The following CCDC142 variants were observed in gnomAD, a reference collection of about 807,000 sequenced individuals.
CCDC142 encodes the protein coiled-coil domain containing 142, also known as coiled-coil domain-containing protein 142.
Under a neutral mutation model 83.8 loss-of-function variants are expected in CCDC142, and 67 were observed. The observed-to-expected ratio is 0.80, with a 90% CI of 0.66 to 0.98. The LOEUF (loss-of-function observed/expected upper bound fraction) is 0.98. Among genes scored for constraint, CCDC142 ranks in the 50% least tolerant of loss-of-function variants. CCDC142 has a pLI of 0.00. For synonymous variants in CCDC142, 421 were observed against 421.2 expected (o/e 1.00, Z 0.01); for missense variants, 905 against 946.8 (o/e 0.96, Z 0.58).
chr2:74,482,736 A>C lies in CCDC142; in HGVS notation c.102T>G (p.Ser34Arg). ...CCTCCCAGCGAAGACCGCCCGTTCG[A>C]CTTCTCTCCCACTGCTCCTCCCCAG... ...GGTGEEQWER[S>R]RTGGLRWEVH... The change falls in exon 1 of 9, where the codon AGT (serine) becomes AGG (arginine). Residue 34 changes from serine (S) to arginine (R), a missense_variant. This residue lies in a region of CCDC142 where 591 missense variants were observed against 571.4 expected (regional missense o/e 1.03). Transcript: ENST00000393965. This position sits in a 1 kb window ranked among gnomAD's most constrained non-coding sequence, Gnocchi z 5.0. 6.2e-7 allele frequency: 1 copy of C among 1,603,650 alleles called. No individual in the cohort carries two copies.
chr2:74,476,427 C>A (rs1378771145), intron 5 of CCDC142, among the ~76,000 whole-genome samples: 4 of 152,146 alleles, frequency 2.6e-5, no homozygotes, highest in Admixed American at 2.6e-4. Flanking sequence ...CCTGCCTCTG[C>A]CTGCCAAAGT....
At chr2:74,478,350 C>T (rs1272200513) in intron 5 of CCDC142, among the ~76,000 whole-genome samples, 1 of 150,872 alleles carries the variant, frequency 6.6e-6, no homozygotes, top group Non-Finnish European at 1.5e-5. Context: ...GTGTGAGCCA[C>T]TGCACCTGGA....
rs1572933124 is a variant in CCDC142, at chr2:74,482,082, G to T, written c.756C>A (p.Asp252Glu). The change falls in exon 1 of 9, where the codon GAC (aspartate) becomes GAA (glutamate). Residue 252 changes from aspartate to glutamate, a missense_variant. Asp to Glu is a conservative substitution (Grantham distance 45, BLOSUM62 2). Transcript: ENST00000393965. The surrounding 1 kb of genome is among the most constrained non-coding windows in gnomAD (Gnocchi z 5.0). Reference protein sequence around the residue: ...ERGCQVASRLDEALQGSALRD... With the variant: ...ERGCQVASRLEEALQGSALRD... ...TCAACGCCGATCCTTGGAGCGCCTC[G>T]TCCAGCCGACTTGCCACCTGGCAAC... is the stretch of plus-strand genomic sequence containing the variant. 1 of 1,613,524 alleles carries T rather than the reference G, an allele frequency of 6.2e-7. No homozygotes were observed. The highest frequency in any genetic ancestry group is 1.3e-5 in the African/African-American group (1 of 75,062).
intron 5 of CCDC142, among the ~76,000 whole-genome samples, chr2:74,479,910 GA>G (rs1274433562): frequency 6.6e-6 from 1 of 152,218 alleles, no homozygotes; most frequent in Non-Finnish European, 1.5e-5. Flanking sequence ...ACTTTTAAGA[GA>G]GGAGAAATGT....
chr2:74,482,485 G>A lies in CCDC142; in HGVS notation c.353C>T (p.Ala118Val). Residue 118 changes from alanine (A) to valine (V), a missense_variant, in exon 1 of 9, where the codon GCT (alanine) becomes GTT (valine). Physicochemically the swap from Ala to Val is moderately conservative, Grantham distance 64. This residue lies in a region of CCDC142 where 591 missense variants were observed against 571.4 expected (regional missense o/e 1.03). Transcript: ENST00000393965. The surrounding 1 kb of genome is among the most constrained non-coding windows in gnomAD (Gnocchi z 5.0). ...ACTCAGGGTCTTCATGAGTCGCACA[G>A]CCGACTGTAGGTGGTAGGCGCAGTC... ...ARDCAYHLQSAVRLMKTLSPG... is the reference protein window; with the variant it reads ...ARDCAYHLQSVVRLMKTLSPG... The A allele has an allele frequency of 1.9e-6, 3 of 1,554,172 alleles. No homozygotes were observed. The highest frequency in any genetic ancestry group is 2.6e-6 in the Non-Finnish European group (3 of 1,147,844).
At position 74,475,104 on chromosome 2, in the gene CCDC142, G is replaced by A. The variant is rs762591916; in HGVS notation, c.1808C>T (p.Ala603Val). The change falls in exon 8 of 9, where the codon GCG becomes GTG. Residue 603 changes from alanine (A) to valine (V), a missense_variant. Physicochemically the swap from Ala to Val is moderately conservative, Grantham distance 64. Coordinates refer to ENST00000393965, the MANE Select transcript of CCDC142 (RefSeq NM_001365575.2). ...THGIRFSLQGALQLKQDFGVV... is the reference protein window; with the variant it reads ...THGIRFSLQGVLQLKQDFGVV... ...TCCAAAGTCTTGTTTGAGCTGCAGC[G>A]CTCCCTGCAGGCTGAAGGCAGAGGT... is the stretch of plus-strand genomic sequence containing the variant. 1.2e-5 allele frequency: 20 copies of A among 1,610,222 alleles called. No homozygotes were observed. In the Middle Eastern group the frequency reaches 5.0e-4, roughly 40 times the overall value.
In CCDC142 at chr2:74,474,656, C is replaced by G. The variant is rs1159218436; in HGVS notation, c.2143G>C (p.Glu715Gln). ...TGCTGATTTCCCACCAGGTAGCCCT[C>G]CGGGCTAGGTCCCCTTCCTCCTAGT... The part of the protein sequence containing the change: ...STLGGRGPSP[E>Q]GYLVGNQQAW... Residue 715 changes from glutamate (E) to glutamine (Q), a missense_variant, in exon 9 of 9, where the codon GAG becomes CAG. Physicochemically the swap from Glu to Gln is conservative, Grantham distance 29. Around this residue, in one of 3 missense-constraint regions of CCDC142, gnomAD observed 265 missense variants for 288.9 expected, o/e 0.92. Coordinates refer to ENST00000393965, the MANE Select transcript of CCDC142 (RefSeq NM_001365575.2). 6.2e-7 allele frequency: 1 copy of G among 1,614,112 alleles called. No homozygotes were observed. Among genetic ancestry groups the G allele is most frequent in the African/African-American group, 1.3e-5 (1 of 74,940 alleles).
chr2:74,480,918 G>A (rs760486978), intron 4 of CCDC142, 36 bp from the exon 5 acceptor site: 11 of 1,609,892 alleles, frequency 6.8e-6, no homozygotes, highest in South Asian at 3.3e-5. Flanking sequence ...GCTCAGCCTA[G>A]CTCAGGCTGC....
chr2:74,482,640 G>C lies in CCDC142; in HGVS notation c.198C>G (p.Asp66Glu). The C allele has an allele frequency of 6.2e-7, 1 of 1,611,904 alleles. No individual in the cohort carries two copies. Among genetic ancestry groups the C allele is most frequent in the Non-Finnish European group, 8.5e-7 (1 of 1,179,854 alleles). The change falls in exon 1 of 9, where the codon GAC (aspartate) becomes GAG (glutamate). Residue 66 changes from aspartate to glutamate, a missense_variant. Around this residue, in one of 3 missense-constraint regions of CCDC142, gnomAD observed 591 missense variants for 571.4 expected, o/e 1.03. Coordinates refer to ENST00000393965, the MANE Select transcript of CCDC142 (RefSeq NM_001365575.2). The surrounding 1 kb of genome is among the most constrained non-coding windows in gnomAD (Gnocchi z 5.0). ...WWPTPADVSEDYEADAAAWRR... is the reference protein window; with the variant it reads ...WWPTPADVSEEYEADAAAWRR... ...TCCAGGCCGCAGCATCAGCCTCGTAGTCCTCGCTCACATCCGCCGGCGTCG... is the reference window on the plus strand; with the variant it reads ...TCCAGGCCGCAGCATCAGCCTCGTACTCCTCGCTCACATCCGCCGGCGTCG...
rs1367550861 is a variant in CCDC142 at position 74,472,926 on chromosome 2, A to C, written c.*1620T>G. ...CTCTCATACGACGGTGAAAACCATAAATAAATGGCGCAAAAACCTCTTTGC... is the reference window on the plus strand; with the variant it reads ...CTCTCATACGACGGTGAAAACCATACATAAATGGCGCAAAAACCTCTTTGC... On this transcript the variant is annotated 3_prime_UTR_variant, in exon 9 of 9. Transcript: ENST00000393965. 3 of 534,856 alleles carry C rather than the reference A, an allele frequency of 5.6e-6. No individual in the cohort carries two copies. Among genetic ancestry groups the C allele is most frequent in the East Asian group, 3.4e-5 (1 of 28,986 alleles). The allele number at this position is 534,856 out of a possible 1,614,324, so 33.1% of individuals were successfully genotyped here. A position where few individuals can be genotyped will look rare whatever the true frequency, so the allele number is the denominator to read the frequency against.
chr2:74,478,059 AAT>A (rs1160188513), intron 5 of CCDC142, among the ~76,000 whole-genome samples: 1 of 147,310 alleles, frequency 6.8e-6, no homozygotes, highest in Non-Finnish European at 1.5e-5. Context: ...ATATAAATAA[AAT>A]ATATATATAT....
rs1187138212 is a variant in CCDC142, at chr2:74,482,555, A to C, written c.283T>G (p.Leu95Val). 6.2e-7 allele frequency: 1 copy of C among 1,600,674 alleles called. No homozygotes were observed. The highest frequency in any genetic ancestry group is 8.5e-7 in the Non-Finnish European group (1 of 1,173,064). Residue 95 changes from leucine (L) to valine (V), a missense_variant, in exon 1 of 9, where the codon TTG (leucine) becomes GTG (valine). Physicochemically the swap from Leu to Val is conservative, Grantham distance 32 (BLOSUM62 1). Around this residue, in one of 3 missense-constraint regions of CCDC142, gnomAD observed 591 missense variants for 571.4 expected, o/e 1.03. Coordinates refer to ENST00000393965, the MANE Select transcript of CCDC142 (RefSeq NM_001365575.2). This position sits in a 1 kb window ranked among gnomAD's most constrained non-coding sequence, Gnocchi z 5.0. Reference protein sequence around the residue: ...PPALQRLRAVLLRLHREREQL... With the variant: ...PPALQRLRAVVLRLHREREQL... ...TCCCGCTCGCGATGCAGCCGCAGCA[A>C]CACCGCCCGGAGACGCTGCAGCGCG...
chr2:74,479,494 G>T (rs1672397630), intron 5 of CCDC142, among the ~76,000 whole-genome samples: 1 of 152,228 alleles, frequency 6.6e-6, no homozygotes, highest in South Asian at 2.1e-4. Flanking sequence ...TTACTACTGT[G>T]AAATAGAAAT....
chr2:74,482,354 G>T lies in CCDC142; in HGVS notation c.484C>A (p.Leu162Ile). 1 of 1,595,320 alleles carries T rather than the reference G, an allele frequency of 6.3e-7. No homozygotes were observed. Among genetic ancestry groups the T allele is most frequent in the South Asian group, 1.1e-5 (1 of 89,174 alleles). Reference protein sequence around the residue: ...AVLRIGPGETLEPLLLARPIG... With the variant: ...AVLRIGPGETIEPLLLARPIG... ...GGGCGCGCTAGCAGCAGCGGCTCGAGAGTCTCCCCAGGGCCGATTCGCAGA... is the reference window on the plus strand; with the variant it reads ...GGGCGCGCTAGCAGCAGCGGCTCGATAGTCTCCCCAGGGCCGATTCGCAGA... The change falls in exon 1 of 9, where the codon CTC (leucine) becomes ATC (isoleucine). Residue 162 changes from leucine (L) to isoleucine (I), a missense_variant. Physicochemically the swap from Leu to Ile is conservative, Grantham distance 5. Around this residue, in one of 3 missense-constraint regions of CCDC142, gnomAD observed 591 missense variants for 571.4 expected, o/e 1.03. Transcript: ENST00000393965. This position sits in a 1 kb window ranked among gnomAD's most constrained non-coding sequence, Gnocchi z 5.0.
intron 3 of CCDC142, 29 bp from the exon 4 acceptor site, chr2:74,481,115 C>T (rs766635612): frequency 6.2e-7 from 1 of 1,609,342 alleles, no homozygotes; most frequent in East Asian, 2.2e-5. Flanking sequence ...GAGTGAGTAT[C>T]TTAGGGGTCA....
intron 5 of CCDC142, among the ~76,000 whole-genome samples, chr2:74,479,003 G>A (rs1247393864): frequency 1.3e-4 from 20 of 149,432 alleles, no homozygotes; most frequent in Middle Eastern, 3.6e-3. Flanking sequence ...TCCAGCCTGG[G>A]TGACAGAGTG....
At chr2:74,475,167 A>G (rs779227038) in intron 7 of CCDC142, 52 bp from the exon 8 acceptor site, 1 of 1,613,006 alleles carries the variant, frequency 6.2e-7, no homozygotes, top group South Asian at 1.1e-5. Flanking sequence ...TCTCCCACTT[A>G]TCCCCTTCCT....
intron 1 of CCDC142, 81 bp downstream of exon 1, chr2:74,481,736 A>G: frequency 6.6e-7 from 1 of 1,506,220 alleles, no homozygotes; most frequent in Non-Finnish European, 9.0e-7. Context: ...TTTTGCCTTC[A>G]GGATGGCAGG....
Position 74,473,032 on chromosome 2 carries a change from C to T in CCDC142, c.*1514G>A. 1 of 315,596 alleles carries T rather than the reference C, an allele frequency of 3.2e-6. No individual in the cohort carries two copies. Among genetic ancestry groups the T allele is most frequent in the Non-Finnish European group, 6.0e-6 (1 of 166,162 alleles). 19.5% of individuals were successfully genotyped at this position (315,596 alleles called of 1,614,324 possible). On this transcript the variant is annotated 3_prime_UTR_variant, in exon 9 of 9. Coordinates refer to ENST00000393965, the MANE Select transcript of CCDC142 (RefSeq NM_001365575.2). The stretch of plus-strand genomic sequence containing the variant: ...ATCTAGGCTAACTCGATCTTAAATC[C>T]TGGCTTCTTCCAAAGAGAGAGCACT...
Sources: allele counts gnomAD v4.1 joint callset (sites outside exome capture counted in the v4.1 genomes callset), GRCh38; gene constraint gnomAD v4.1.1; regional missense constraint gnomAD v4.1.1; non-coding constraint Gnocchi (gnomAD v3.1); transcripts MANE v1.5; gene names NCBI Gene and HGNC (gene_info 2026-07-23, HGNC 2026-07-21).